ZNF577: variants seen among roughly 807,000 people sequenced by gnomAD.
ZNF577 encodes the protein zinc finger protein 577.
In ZNF577, 14 loss-of-function variants were observed where a neutral mutation model predicts 13.9. The observed-to-expected ratio is 1.00, with a 90% CI of 0.66 to 1.57. The LOEUF is 1.57. Ranked by LOEUF, ZNF577 falls within the 40% of genes most tolerant of loss-of-function variation. The pLI, the probability that ZNF577 is intolerant of heterozygous loss-of-function variation, is 0.00. For synonymous variants in ZNF577, 203 were observed against 202.9 expected (o/e 1.00, Z 0.00); for missense variants, 555 against 579.2 (o/e 0.96, Z 0.43).
downstream of ZNF577, among the ~76,000 whole-genome samples, chr19:51,865,702 T>G (rs892306659): frequency 1.1e-4 from 16 of 152,166 alleles, no homozygotes; most frequent in Admixed American, 8.5e-4. Flanking sequence ...TTAAACACAT[T>G]TGGAAGGGGT....
At chr19:51,877,432 G>T in intron 4 of ZNF577, 55 bp from the exon 5 acceptor site, 1 of 1,407,616 alleles carries the variant, frequency 7.1e-7, no homozygotes, top group Non-Finnish European at 1.0e-6. Flanking sequence ...AATGGATGAA[G>T]ATGGAGAGGG....
At chr19:51,855,367 C>CTGTG (rs55937420) in intron 5 of ZNF577, among the ~76,000 whole-genome samples, 31,745 of 143,040 alleles carry the variant, frequency 0.22, 3,993 homozygotes, top group Non-Finnish European at 0.3. Context: ...GCTGAGGGTG[C>CTGTG]TGTGTGTGTG....
rs888154842 is a variant in ZNF577 at position 51,869,437 on chromosome 19, T to C, written c.*3095A>G. 9.9e-5 allele frequency among the ~76,000 whole-genome samples: 15 copies of C among 152,126 alleles called. No homozygotes were observed. The highest frequency in any genetic ancestry group is 8.5e-4 in the Admixed American group (13 of 15,264). ...TATGACACAGAGTCCTTCGCTCATGTTTCCTGCTGACCCTCTCCCCACCAT... is the reference window on the plus strand; with the variant it reads ...TATGACACAGAGTCCTTCGCTCATGCTTCCTGCTGACCCTCTCCCCACCAT... On this transcript the variant is annotated 3_prime_UTR_variant, in exon 6 of 6. Transcript: ENST00000638348.
rs1053801838 is a variant in ZNF577, at chr19:51,848,037, C to T, written c.284-3106G>A. ...TGTTGGAAGCCACCATCTTGGAAGA[C>T]GCAGTACAGACTGCGAGACAGCCAT... On this transcript the variant is annotated intron_variant and NMD_transcript_variant, in intron 5 of 10. Transcript: ENST00000638827. 5.3e-5 allele frequency among the ~76,000 whole-genome samples: 8 copies of T among 152,294 alleles called. No individual in the cohort carries two copies. The South Asian group carries it at 6.2e-4, about 12-fold the overall frequency.
chr19:51,876,737 C>A (rs547530076), intron 5 of ZNF577, among the ~76,000 whole-genome samples: 1 of 152,000 alleles, frequency 6.6e-6, no homozygotes, highest in East Asian at 1.9e-4. Context: ...ACCAGCCTGG[C>A]CAATGTAGTG....
intron 9 of ZNF577, chr19:51,823,886 T>C: frequency 6.2e-7 from 1 of 1,614,100 alleles, no homozygotes; most frequent in Non-Finnish European, 8.5e-7. Flanking sequence ...GCAATGGGCT[T>C]GTGATCTGGG....
intron 9 of ZNF577, among the ~76,000 whole-genome samples, chr19:51,817,517 T>TC (rs1364422157): frequency 1.4e-5 from 1 of 73,128 alleles, no homozygotes; most frequent in South Asian, 6.3e-4. Flanking sequence ...ATCTGTTTTG[T>TC]TTTTTTTTTT....
chr19:51,843,837 A>G (rs1349435476), intron 6 of ZNF577, among the ~76,000 whole-genome samples: 1 of 152,200 alleles, frequency 6.6e-6, no homozygotes, highest in Non-Finnish European at 1.5e-5. Flanking sequence ...CATGATTAGT[A>G]GTGCGTTCTA....
At chr19:51,837,772 T>C (rs901532562) in intron 9 of ZNF577, among the ~76,000 whole-genome samples, 1 of 152,218 alleles carries the variant, frequency 6.6e-6, no homozygotes, top group Non-Finnish European at 1.5e-5. Flanking sequence ...TATAAATATC[T>C]ATTTTCAGAT....
intron 4 of ZNF577, chr19:51,877,663 G>A: frequency 3.7e-6 from 1 of 268,800 alleles, no homozygotes; most frequent in African/African-American, 2.2e-5. Context: ...GTGTACTCTT[G>A]GTGGGAATGT....
intron 9 of ZNF577, among the ~76,000 whole-genome samples, chr19:51,823,127 T>G (rs887139047): frequency 6.6e-6 from 1 of 152,154 alleles, no homozygotes; most frequent in Non-Finnish European, 1.5e-5. Context: ...CCTCCTAAAG[T>G]GCTGGGGTTA....
rs146196580 is a variant in ZNF577, at chr19:51,873,180, A to G, written c.810T>C (p.Tyr270=). ...HQRSHTGEKL[Y]GCSVCGKAFS... ...AGGCTTTCCCACACACACTGCACCC[A>G]TAGAGTTTCTCTCCAGTATGTGATC... The change falls in exon 6 of 6, where the codon TAT becomes TAC. Residue 270 remains tyrosine (Y), a synonymous_variant. Coordinates refer to ENST00000638348, the MANE Select transcript of ZNF577 (RefSeq NM_001370449.1). The G allele has an allele frequency of 1.2e-4, 188 of 1,614,040 alleles. No individual in the cohort carries two copies. Among genetic ancestry groups the G allele is most frequent in the Non-Finnish European group, 1.5e-4 (174 of 1,180,028 alleles).
exon 10 of ZNF577, chr19:51,811,617 C>A (rs10410366): frequency 0.31 from 47,881 of 152,022 alleles, 7,785 homozygotes; most frequent in Middle Eastern, 0.39. Context: ...CTTGTAGAGC[C>A]CCTGATTCTG....
rs1343923219 is a variant in ZNF577 at position 51,815,865 on chromosome 19, AAAAAAAG to A, written c.*600-4198_*600-4192del. ...TGATAGAATGAGACCCTGTCTCAAA[AAAAAAAG>A]AAAAAAGAAAAAAGAAAAAGAAGAA... On this transcript the variant is annotated intron_variant and NMD_transcript_variant, in intron 9 of 10. Coordinates refer to the ZNF577 transcript ENST00000638827. Among the ~76,000 whole-genome samples the A allele has an allele frequency of 6.9e-4, 104 of 150,824 alleles. 1 individual carries two copies. Among genetic ancestry groups the A allele is most frequent in the Admixed American group, 4.4e-3 (67 of 15,194 alleles).
In ZNF577 at chr19:51,824,431, T is replaced by C. The variant is rs1248936040; in HGVS notation, c.*600-12757A>G. 4 of 1,613,998 alleles carry C rather than the reference T, an allele frequency of 2.5e-6. No individual in the cohort carries two copies. The highest frequency in any genetic ancestry group is 3.4e-6 in the Non-Finnish European group (4 of 1,180,022). On this transcript the variant is annotated intron_variant and NMD_transcript_variant, in intron 9 of 10. Coordinates refer to the ZNF577 transcript ENST00000638827. The surrounding 1 kb of genome is among the most constrained non-coding windows in gnomAD (Gnocchi z 4.7). ...TGCTATGGGATCATCGCTGCCAAAA[T>C]TCACAGAAACCACATGATTAAATCC...
At chr19:51,823,365 G>C (rs980495326) in intron 9 of ZNF577, among the ~76,000 whole-genome samples, 1 of 152,164 alleles carries the variant, frequency 6.6e-6, no homozygotes, top group Non-Finnish European at 1.5e-5. Flanking sequence ...TGTTTGCATT[G>C]AGTGATGGAG....
intron 8 of ZNF577, among the ~76,000 whole-genome samples, chr19:51,841,913 C>T (rs1324249249): frequency 6.6e-6 from 1 of 152,100 alleles, no homozygotes; most frequent in Non-Finnish European, 1.5e-5. Context: ...TGAATTCTAC[C>T]ATTATCATGA....
chr19:51,817,139 A>G (rs2084142871), intron 9 of ZNF577, among the ~76,000 whole-genome samples: 1 of 152,146 alleles, frequency 6.6e-6, no homozygotes, highest in Non-Finnish European at 1.5e-5. Flanking sequence ...GACATCTCCA[A>G]GGTGTCTTCT....
intron 9 of ZNF577, among the ~76,000 whole-genome samples, chr19:51,838,277 A>T (rs1176932172): frequency 6.6e-6 from 1 of 152,184 alleles, no homozygotes; most frequent in East Asian, 1.9e-4. Flanking sequence ...ACAATTCTAG[A>T]TGGAAATTTT....
Sources: gnomAD v4.1 joint callset for allele counts (sites outside exome capture counted in the v4.1 genomes callset) on GRCh38, gnomAD v4.1.1 for gene constraint, Gnocchi (gnomAD v3.1) non-coding constraint, MANE v1.5 for transcripts, NCBI Gene and HGNC (gene_info 2026-07-23, HGNC 2026-07-21) for gene names.